BCAT1: variants seen among roughly 807,000 people sequenced by gnomAD.
BCAT1 encodes branched chain amino acid transaminase 1.
Under a neutral mutation model 52.4 loss-of-function variants are expected in BCAT1, and 48 were observed. That is an observed-to-expected ratio of 0.92 (90% CI 0.73 to 1.16). BCAT1 has a LOEUF of 1.16. Ranked by LOEUF, BCAT1 falls within the 50% of genes most tolerant of loss-of-function variation. BCAT1 has a pLI of 0.00. For missense variants in BCAT1, 451 were observed against 457.1 expected (o/e 0.99, Z 0.12); for synonymous variants, 167 against 161.3 (o/e 1.04, Z -0.27).
At chr12:24,938,375 G>A (rs1468119697) in intron 1 of BCAT1, among the ~76,000 whole-genome samples, 5 of 152,154 alleles carry the variant, frequency 3.3e-5, no homozygotes, top group Non-Finnish European at 5.9e-5. Context: ...AGTGTAGTGC[G>A]GTAATATTGG....
intron 1 of BCAT1, among the ~76,000 whole-genome samples, chr12:24,941,608 T>C (rs529260349): frequency 3.3e-5 from 5 of 152,308 alleles, no homozygotes; most frequent in African/African-American, 1.2e-4. Context: ...GTTCCTGCCA[T>C]GGTAGAAGAA....
At chr12:24,895,039 A>T (rs1004329574) in intron 2 of BCAT1, among the ~76,000 whole-genome samples, 7 of 152,206 alleles carry the variant, frequency 4.6e-5, no homozygotes, top group African/African-American at 1.7e-4. Flanking sequence ...GTTGAGAATG[A>T]ACACTAAGAT....
intron 10 of BCAT1, among the ~76,000 whole-genome samples, chr12:24,826,030 G>A (rs1940381994): frequency 6.6e-6 from 1 of 152,100 alleles, no homozygotes; most frequent in African/African-American, 2.4e-5. Context: ...TGGGCAAGAT[G>A]GTGAGACTCC....
chr12:24,851,303 C>T (rs575808243), intron 5 of BCAT1, among the ~76,000 whole-genome samples: 1 of 152,316 alleles, frequency 6.6e-6, no homozygotes, highest in South Asian at 2.1e-4. Flanking sequence ...GAAGACTCAA[C>T]TTCAGCTGAT....
intron 6 of BCAT1, among the ~76,000 whole-genome samples, chr12:24,845,575 C>T (rs11613673): frequency 0.25 from 37,954 of 152,068 alleles, 4,798 homozygotes; most frequent in Non-Finnish European, 0.27. Flanking sequence ...CTTGCATTTC[C>T]ACTATTTGGT....
At chr12:24,845,334 GA>G (rs1322447748) in intron 6 of BCAT1, among the ~76,000 whole-genome samples, 3 of 151,558 alleles carry the variant, frequency 2.0e-5, no homozygotes, top group African/African-American at 7.3e-5. Context: ...ATACAGATAG[GA>G]AGCTATTAAA....
intron 5 of BCAT1, among the ~76,000 whole-genome samples, chr12:24,863,341 G>C (rs1179079685): frequency 6.6e-6 from 1 of 152,164 alleles, no homozygotes; most frequent in East Asian, 1.9e-4. Context: ...TATTGTTTTT[G>C]CAAGAAATCA....
At chr12:24,933,484 C>A (rs1419433576) in intron 1 of BCAT1, among the ~76,000 whole-genome samples, 1 of 152,108 alleles carries the variant, frequency 6.6e-6, no homozygotes, top group African/African-American at 2.4e-5. Context: ...AGAGCTGCAA[C>A]TTTACCTGCT....
At chr12:24,901,108 G>A (rs557626834) in intron 2 of BCAT1, among the ~76,000 whole-genome samples, 1 of 152,314 alleles carries the variant, frequency 6.6e-6, no homozygotes, top group African/African-American at 2.4e-5. Context: ...CACTGTGAGA[G>A]AGCTCAATGT....
At chr12:24,933,774 T>A (rs370623026) in intron 1 of BCAT1, among the ~76,000 whole-genome samples, 15 of 151,990 alleles carry the variant, frequency 9.9e-5, no homozygotes, top group African/African-American at 3.6e-4. Context: ...CTCTCTCTAA[T>A]GAGAGAGAGG....
At chr12:24,905,498 A>G (rs1428738841) in intron 1 of BCAT1, among the ~76,000 whole-genome samples, 3 of 152,264 alleles carry the variant, frequency 2.0e-5, no homozygotes, top group Admixed American at 6.5e-5. Flanking sequence ...CTCAAAAACA[A>G]TGAAACAATG....
intron 10 of BCAT1, among the ~76,000 whole-genome samples, chr12:24,825,223 C>T (rs954651410): frequency 6.6e-6 from 1 of 151,888 alleles, no homozygotes; most frequent in Admixed American, 6.6e-5. Flanking sequence ...CATATCTTGG[C>T]TATTGTGAAT....
In BCAT1 at chr12:24,855,294, C is replaced by T. The variant is rs190117598; in HGVS notation, c.511-5345G>A. Among the ~76,000 whole-genome samples, 911 of 147,096 alleles carry T rather than the reference C, an allele frequency of 6.2e-3. 14 individuals carry two copies. Among genetic ancestry groups the T allele is most frequent in the African/African-American group, 0.022 (867 of 39,358 alleles). On this transcript the variant is annotated intron_variant, in intron 5 of 10. Coordinates refer to ENST00000261192, the MANE Select transcript of BCAT1 (RefSeq NM_005504.7). ...TACTGGCTATGAGGTAGCCCTGCTCCGCAGGAGCAGTTAAAAAAAAAAAAA... is the reference window on the plus strand; with the variant it reads ...TACTGGCTATGAGGTAGCCCTGCTCTGCAGGAGCAGTTAAAAAAAAAAAAA...
intron 3 of BCAT1, among the ~76,000 whole-genome samples, chr12:24,884,534 T>C (rs10842422): frequency 0.48 from 73,013 of 152,150 alleles, 17,863 homozygotes; most frequent in East Asian, 0.61. Context: ...GTGATGAGTA[T>C]GCTAATTAGC....
intron 1 of BCAT1, among the ~76,000 whole-genome samples, chr12:24,941,999 C>T (rs549382290): frequency 1.3e-5 from 2 of 152,160 alleles, no homozygotes; most frequent in Admixed American, 6.6e-5. Context: ...AGATTTTAAA[C>T]GGTCTCATGC....
chr12:24,858,166 A>G (rs964180787), intron 5 of BCAT1, among the ~76,000 whole-genome samples: 14 of 152,198 alleles, frequency 9.2e-5, no homozygotes, highest in African/African-American at 3.4e-4. Context: ...CAGTAATCCA[A>G]TTAAGATTCT....
At chr12:24,881,793 C>G (rs545789176) in intron 3 of BCAT1, among the ~76,000 whole-genome samples, 1 of 152,230 alleles carries the variant, frequency 6.6e-6, no homozygotes, top group Admixed American at 6.5e-5. Flanking sequence ...ACCGTGGCCC[C>G]CAAAGAGTAC....
intron 10 of BCAT1, among the ~76,000 whole-genome samples, chr12:24,827,617 C>T (rs111513745): frequency 2.6e-5 from 4 of 152,258 alleles, no homozygotes; most frequent in African/African-American, 7.2e-5. Flanking sequence ...CATGGCGAAA[C>T]CTCGACTCTA....
intron 1 of BCAT1, among the ~76,000 whole-genome samples, chr12:24,927,895 T>C (rs1276655578): frequency 6.6e-6 from 1 of 152,214 alleles, no homozygotes; most frequent in East Asian, 1.9e-4. Context: ...ACCATCCCTA[T>C]CTGGAGAAGA....
Sources: allele counts gnomAD v4.1 joint callset (sites outside exome capture counted in the v4.1 genomes callset), GRCh38; gene constraint gnomAD v4.1.1; transcripts MANE v1.5; gene names NCBI Gene and HGNC (gene_info 2026-07-23, HGNC 2026-07-21).